Variants in RPN1 observed in about 807,000 individuals in gnomAD.
RPN1 encodes dolichyl-diphosphooligosaccharide--protein glycosyltransferase subunit 1.
A neutral mutation model predicts 55.5 loss-of-function variants in RPN1; 12 were observed. The ratio of observed to expected loss-of-function variants is 0.22; its 90% CI spans 0.14 to 0.35. The LOEUF (loss-of-function observed/expected upper bound fraction) is 0.35, where lower values mean the gene tolerates loss of function less well. Ranked by LOEUF, RPN1 falls within the 10% of genes least tolerant of loss-of-function variation. RPN1 has a pLI of 1.00. For missense variants in RPN1, 679 were observed against 761.3 expected, an observed-to-expected ratio of 0.89 and a Z score of 1.27; for synonymous variants, 317 against 305.9, an observed-to-expected ratio of 1.04 and a Z score of -0.38.
intron 8 of RPN1, among the ~76,000 whole-genome samples, chr3:128,622,897 A>C (rs1485619572): frequency 7.5e-6 from 1 of 133,780 alleles, no homozygotes; most frequent in Non-Finnish European, 1.6e-5. Flanking sequence ...ACTCCATCTC[A>C]AAAAAAAAAA....
At position 128,626,997 on chromosome 3, in the gene RPN1, A is replaced by G. The variant is rs546502398; in HGVS notation, c.1037-165T>C. ...CCAGGCAACAAAGTATCTCTACTGA[A>G]CCCCACAACACAGAGACAGGGATGG... On this transcript the variant is annotated intron_variant, in intron 5 of 9. Transcript: ENST00000296255. 60 of 609,840 alleles carry G rather than the reference A, an allele frequency of 9.8e-5. No homozygotes were observed. The South Asian group carries it at 1.1e-3, about 11-fold the overall frequency. The allele number at this position is 609,840 out of a possible 1,614,324, so 37.8% of individuals were successfully genotyped here. A position where few individuals can be genotyped will look rare whatever the true frequency, so the allele number is the denominator to read the frequency against.
chr3:128,648,160 G>A (rs2069783591), intron 1 of RPN1, among the ~76,000 whole-genome samples: 1 of 152,230 alleles, frequency 6.6e-6, no homozygotes, highest in South Asian at 2.1e-4. Context: ...TTGGGAGGCC[G>A]AGGTGGGCGG....
intron 5 of RPN1, among the ~76,000 whole-genome samples, chr3:128,629,050 T>C (rs935420707): frequency 1.3e-5 from 2 of 151,908 alleles, no homozygotes; most frequent in African/African-American, 4.8e-5. Context: ...ACTTGGGTGA[T>C]AAAACTACAA....
At chr3:128,648,141 C>G (rs1263944414) in intron 1 of RPN1, among the ~76,000 whole-genome samples, 1 of 152,140 alleles carries the variant, frequency 6.6e-6, no homozygotes, top group Non-Finnish European at 1.5e-5. Context: ...CACCTGTAAT[C>G]TCAGCACTTT....
intron 1 of RPN1, among the ~76,000 whole-genome samples, chr3:128,645,425 G>A (rs1390792971): frequency 6.6e-6 from 1 of 151,582 alleles, no homozygotes. Flanking sequence ...GGCTGAGATG[G>A]CGCCATCACA....
intron 5 of RPN1, among the ~76,000 whole-genome samples, chr3:128,629,152 TG>T (rs1341370360): frequency 6.6e-6 from 1 of 151,872 alleles, no homozygotes; most frequent in African/African-American, 2.4e-5. Context: ...TAGCAAATTT[TG>T]ATTTCTTGAC....
rs1185851086 is a variant in RPN1 at position 128,638,079 on chromosome 3, G to A, written c.353C>T (p.Pro118Leu). The stretch of plus-strand genomic sequence containing the variant: ...CTTGGCCCCAGGATCAAGAGCAACT[G>A]GGAGCTTGACTGTGAAGAATCTCCC... ...KSGRFFTVKL[P>L]VALDPGAKIS... Residue 118 changes from proline to leucine, a missense_variant, in exon 3 of 10, where the codon CCA (proline) becomes CTA (leucine). Transcript: ENST00000296255. The A allele has an allele frequency of 6.2e-7, 1 of 1,613,760 alleles. No individual in the cohort carries two copies.
chr3:128,644,172 A>G (rs550891999), intron 2 of RPN1, among the ~76,000 whole-genome samples: 1 of 152,322 alleles, frequency 6.6e-6, no homozygotes, highest in African/African-American at 2.4e-5. Context: ...AACAGCTTGG[A>G]GTTCTCACAT....
chr3:128,625,194 GAGAGGGGACTA>G (rs1374964253), intron 8 of RPN1, among the ~76,000 whole-genome samples: 1 of 152,078 alleles, frequency 6.6e-6, no homozygotes, highest in African/African-American at 2.4e-5. Flanking sequence ...GGTGGGGAGG[GAGAGGGGACTA>G]AGAGGGGACT....
In RPN1 at chr3:128,644,905, G is replaced by C; in HGVS notation, c.326+14C>G. 1 of 1,420,888 alleles carries C rather than the reference G, an allele frequency of 7.0e-7. No individual in the cohort carries two copies. The highest frequency in any genetic ancestry group is 1.1e-5 in the South Asian group (1 of 87,056). 88.0% of individuals were successfully genotyped at this position (1,420,888 alleles called of 1,614,324 possible). A position where few individuals can be genotyped will look rare whatever the true frequency, so the allele number is the denominator to read the frequency against. ...CCTTTAACAAGAGACAAGGTATATT[G>C]TTTGTCAGCTTACCTTTTACCCTTA... On this transcript the variant is annotated intron_variant, in intron 2 of 9. Coordinates refer to ENST00000296255, the MANE Select transcript of RPN1 (RefSeq NM_002950.4).
intron 6 of RPN1, 68 bp downstream of exon 6, chr3:128,626,665 C>T: frequency 1.5e-6 from 2 of 1,377,196 alleles, no homozygotes; most frequent in South Asian, 2.3e-5. Context: ...AACATAGGCT[C>T]TCCTTAGGGT....
chr3:128,640,747 A>G (rs2069718574), intron 2 of RPN1, among the ~76,000 whole-genome samples: 2 of 152,034 alleles, frequency 1.3e-5, no homozygotes, highest in South Asian at 4.2e-4. Context: ...CTGCCTCAGA[A>G]ATTCCTCTCA....
intron 1 of RPN1, 91 bp downstream of exon 1, chr3:128,650,449 G>A (rs1011119303): frequency 1.5e-6 from 2 of 1,323,208 alleles, no homozygotes; most frequent in Non-Finnish European, 2.0e-6. Context: ...ATTTCCTGAG[G>A]CCTAGAGGGG....
At chr3:128,641,475 C>A (rs2069724389) in intron 2 of RPN1, among the ~76,000 whole-genome samples, 1 of 152,090 alleles carries the variant, frequency 6.6e-6, no homozygotes, top group African/African-American at 2.4e-5. Context: ...GAAATGTCAA[C>A]CCTCCGTATC....
intron 2 of RPN1, among the ~76,000 whole-genome samples, chr3:128,638,729 GC>G (rs539728477): frequency 1.2e-3 from 188 of 151,922 alleles, no homozygotes; most frequent in African/African-American, 4.4e-3. Flanking sequence ...ACTTTGGGAG[GC>G]CAAGTCAGGT....
At chr3:128,645,057 CT>C in intron 1 of RPN1, 74 bp from the exon 2 acceptor site, 1 of 834,954 alleles carries the variant, frequency 1.2e-6, no homozygotes. Flanking sequence ...TAACCAAGTG[CT>C]TTAGAACATC....
At chr3:128,650,031 A>C (rs2069803914) in intron 1 of RPN1, among the ~76,000 whole-genome samples, 2 of 152,230 alleles carry the variant, frequency 1.3e-5, no homozygotes, top group African/African-American at 4.8e-5. Context: ...CAGATACTGA[A>C]TTAAGAGAAT....
intron 1 of RPN1, among the ~76,000 whole-genome samples, chr3:128,648,873 C>A (rs1374472096): frequency 2.6e-5 from 4 of 152,208 alleles, no homozygotes; most frequent in Non-Finnish European, 5.9e-5. Flanking sequence ...ACGGAATAAG[C>A]TGGAGCCCTG....
In RPN1 at chr3:128,650,738, C is replaced by A. The variant is rs987233179; in HGVS notation, c.63G>T (p.Pro21=). ...LLLLGTWAPA[P]GSASSEAPPL... ...GCGGTGCCTCGGAGGAGGCGCTGCC[C>A]GGCGCCGGGGCCCAAGTCCCAAGCA... is the stretch of plus-strand genomic sequence containing the variant. Residue 21 remains proline (P), a synonymous_variant, in exon 1 of 10, where the codon CCG becomes CCT. Coordinates refer to ENST00000296255, the MANE Select transcript of RPN1 (RefSeq NM_002950.4). The A allele has an allele frequency of 6.4e-7, 1 of 1,550,770 alleles. No homozygotes were observed. The highest frequency in any genetic ancestry group is 8.7e-7 in the Non-Finnish European group (1 of 1,147,240).
Sources: allele counts gnomAD v4.1 joint callset (sites outside exome capture counted in the v4.1 genomes callset), GRCh38; gene constraint gnomAD v4.1.1; transcripts MANE v1.5; gene names NCBI Gene and HGNC (gene_info 2026-07-23, HGNC 2026-07-21).